The following SNTG1 variants were observed in gnomAD, a reference collection of about 807,000 sequenced individuals.
SNTG1 encodes gamma-1-syntrophin.
A neutral mutation model predicts 74.7 loss-of-function variants in SNTG1; 39 were observed. The ratio of observed to expected loss-of-function variants is 0.52; its 90% CI spans 0.40 to 0.68. SNTG1 has a LOEUF of 0.68. Among genes scored for constraint, SNTG1 ranks in the 30% least tolerant of loss-of-function variants. SNTG1 has a pLI of 0.00. For synonymous variants in SNTG1, 254 were observed against 217.1 expected, an observed-to-expected ratio of 1.17 and a Z score of -1.49; for missense variants, 685 against 609.5, an observed-to-expected ratio of 1.12 and a Z score of -1.30.
intron 15 of SNTG1, among the ~76,000 whole-genome samples, chr8:50,685,749 G>GCA (rs1486492901): frequency 7.9e-5 from 12 of 151,782 alleles, no homozygotes; most frequent in African/African-American, 1.7e-4. Context: ...ACTTTTGTGG[G>GCA]CACACACACA....
In SNTG1 at chr8:50,190,694, C is replaced by T. The variant is rs186712991; in HGVS notation, c.-28+18059C>T. On this transcript the variant is annotated intron_variant, in intron 2 of 18. Coordinates refer to ENST00000642720, the MANE Select transcript of SNTG1 (RefSeq NM_018967.5). ...TAAATTGTTTCAATAAAGCTTCTTG[C>T]ACACACTTGCAGAACCTTTGAAAGC... 1.4e-3 allele frequency among the ~76,000 whole-genome samples: 216 copies of T among 152,180 alleles called. No homozygotes were observed. The Middle Eastern group carries it at 0.02, about 14-fold the overall frequency.
intron 2 of SNTG1, among the ~76,000 whole-genome samples, chr8:50,355,436 G>A (rs1478798908): frequency 5.9e-5 from 9 of 152,066 alleles, no homozygotes; most frequent in Non-Finnish European, 1.3e-4. Flanking sequence ...GCCTAAATTT[G>A]ATAATTATGT....
chr8:50,233,610 G>A (rs1016441068), intron 2 of SNTG1, among the ~76,000 whole-genome samples: 3 of 151,224 alleles, frequency 2.0e-5, no homozygotes, highest in African/African-American at 7.3e-5. Flanking sequence ...TTAAGAAGAT[G>A]AAAGACAAGC....
chr8:50,158,482 A>C (rs759626980), intron 1 of SNTG1, among the ~76,000 whole-genome samples: 4 of 152,160 alleles, frequency 2.6e-5, no homozygotes, highest in Non-Finnish European at 5.9e-5. Context: ...CACACACAGG[A>C]CTTCTATTTA....
intron 1 of SNTG1, among the ~76,000 whole-genome samples, chr8:50,028,659 G>A (rs1817484978): frequency 6.6e-6 from 1 of 152,078 alleles, no homozygotes; most frequent in South Asian, 2.1e-4. Context: ...GTTAGTGGGT[G>A]CAGCGCACCA....
At chr8:50,168,226 CCTGA>C (rs1748583667) in intron 1 of SNTG1, among the ~76,000 whole-genome samples, 2 of 152,090 alleles carry the variant, frequency 1.3e-5, no homozygotes, top group Middle Eastern at 3.4e-3. Flanking sequence ...AATTATAATT[CCTGA>C]CTATTAATTT....
At chr8:49,999,449 C>T (rs903013661) in intron 1 of SNTG1, among the ~76,000 whole-genome samples, 1 of 152,300 alleles carries the variant, frequency 6.6e-6, no homozygotes, top group East Asian at 1.9e-4. Flanking sequence ...CTTGACACAA[C>T]AGCCACAGTG....
intron 11 of SNTG1, among the ~76,000 whole-genome samples, chr8:50,542,948 A>G (rs2094358930): frequency 6.6e-6 from 1 of 151,940 alleles, no homozygotes; most frequent in African/African-American, 2.4e-5. Context: ...TTTTATTGTT[A>G]TTGAGTTGTT....
intron 1 of SNTG1, chr8:50,164,511 T>G (rs536652194): frequency 2.6e-5 from 4 of 152,340 alleles, no homozygotes; most frequent in African/African-American, 9.6e-5. Flanking sequence ...TTAGATAGGT[T>G]GTTAAGTAGA....
intron 13 of SNTG1, among the ~76,000 whole-genome samples, chr8:50,636,383 C>A (rs2095039401): frequency 6.6e-6 from 1 of 151,930 alleles, no homozygotes; most frequent in African/African-American, 2.4e-5. Context: ...GTGGTCTAGA[C>A]CACCTTTCAA....
intron 15 of SNTG1, among the ~76,000 whole-genome samples, chr8:50,687,841 G>A (rs1042040187): frequency 7.2e-5 from 11 of 151,894 alleles, no homozygotes; most frequent in South Asian, 2.1e-4. Flanking sequence ...TTGTCCTTGC[G>A]ATATTTTGCT....
chr8:50,689,466 G>A (rs2095367820), intron 15 of SNTG1, among the ~76,000 whole-genome samples: 1 of 152,090 alleles, frequency 6.6e-6, no homozygotes. Flanking sequence ...AAGCGTTGTT[G>A]AATTTTGTCA....
At position 50,599,508 on chromosome 8, in the gene SNTG1, CT is replaced by C. The variant is rs558719483; in HGVS notation, c.849+8598del. Among the ~76,000 whole-genome samples the C allele has an allele frequency of 2.6e-5, 4 of 151,868 alleles. No individual in the cohort carries two copies. The South Asian group carries it at 6.2e-4, about 24-fold the overall frequency. Reference sequence around the variant, plus strand: ...AAATCCATGAATATAAAATGTCTTTCTTTTTTTGCATCCTTTTTAATTTCTT... The same window carrying C: ...AAATCCATGAATATAAAATGTCTTTCTTTTTTGCATCCTTTTTAATTTCTT... On this transcript the variant is annotated intron_variant, in intron 13 of 18. Transcript: ENST00000642720.
chr8:50,317,260 A>G (rs1436722078), intron 2 of SNTG1, among the ~76,000 whole-genome samples: 1 of 152,220 alleles, frequency 6.6e-6, no homozygotes, highest in Non-Finnish European at 1.5e-5. Flanking sequence ...CATGTAGGTG[A>G]AGTCTAATTG....
chr8:50,538,558 C>CT (rs1276727234), intron 11 of SNTG1, among the ~76,000 whole-genome samples: 1 of 152,076 alleles, frequency 6.6e-6, no homozygotes, highest in African/African-American at 2.4e-5. Context: ...TCAGTGTCCC[C>CT]TGTAAGTAAT....
chr8:50,014,390 C>T (rs1816113016), intron 1 of SNTG1, among the ~76,000 whole-genome samples: 1 of 151,996 alleles, frequency 6.6e-6, no homozygotes, highest in Admixed American at 6.6e-5. Flanking sequence ...TCACCTAGGG[C>T]TGTGATTTTA....
intron 1 of SNTG1, among the ~76,000 whole-genome samples, chr8:50,029,554 G>A (rs1488780202): frequency 6.6e-6 from 1 of 151,940 alleles, no homozygotes; most frequent in Non-Finnish European, 1.5e-5. Context: ...ATGTTCATGA[G>A]TTCAACTGTT....
At chr8:50,638,508 T>A (rs895862309) in intron 13 of SNTG1, among the ~76,000 whole-genome samples, 1 of 152,048 alleles carries the variant, frequency 6.6e-6, no homozygotes. Flanking sequence ...GTTACAAAAA[T>A]TTTTTCTATA....
rs375243882 is a variant in SNTG1 at position 50,022,663 on chromosome 8, T to C, written c.-103+110432T>C. On this transcript the variant is annotated intron_variant, in intron 1 of 18. Transcript: ENST00000642720. ...GCAGTTTGTTTGTTTTGTTCTTTCGTTCATCTGCCTGCTCAGGACTGCTTA... is the reference window on the plus strand; with the variant it reads ...GCAGTTTGTTTGTTTTGTTCTTTCGCTCATCTGCCTGCTCAGGACTGCTTA... Among the ~76,000 whole-genome samples, 18 of 152,326 alleles carry C rather than the reference T, an allele frequency of 1.2e-4. 1 individual carries two copies. The highest frequency in any genetic ancestry group is 4.3e-4 in the African/African-American group (18 of 41,572).
Sources: allele counts gnomAD v4.1 joint callset (sites outside exome capture counted in the v4.1 genomes callset), GRCh38; gene constraint gnomAD v4.1.1; transcripts MANE v1.5; gene names NCBI Gene and HGNC (gene_info 2026-07-23, HGNC 2026-07-21).